Variants in TEN1 observed in about 807,000 individuals in gnomAD.
The protein encoded by TEN1 is TEN1 subunit of CST complex, also known as CST complex subunit TEN1.
In TEN1, 6 loss-of-function variants were observed where a neutral mutation model predicts 9.3. The ratio of observed to expected loss-of-function variants is 0.65; its 90% confidence interval spans 0.35 to 1.27. TEN1 has a LOEUF of 1.27. Among genes scored for constraint, TEN1 ranks in the 50% most tolerant of loss-of-function variants. The probability of loss-of-function intolerance (pLI) is 0.03; values close to 1 mark genes in which losing one functional copy is unlikely to be tolerated. For synonymous variants in TEN1, 65 were observed against 65.6 expected, an observed-to-expected ratio of 0.99 and a Z score of 0.04; for missense variants, 149 against 158.2, an observed-to-expected ratio of 0.94 and a Z score of 0.31.
rs118104688 is a variant in TEN1, at chr17:75,991,412, G to A, written c.93-54G>A. ...TCTTGGCCATGCAAACCTTTTGAGC[G>A]TGGTGGTGATTCTACGTATGGATGG... On this transcript the variant is annotated intron_variant, in intron 2 of 3. Transcript: ENST00000397640. 9.9e-3 allele frequency: 15,209 copies of A among 1,531,528 alleles called. 97 individuals carry two copies. Among genetic ancestry groups the A allele is most frequent in the Non-Finnish European group, 0.012 (13,917 of 1,132,220 alleles). 94.9% of individuals were successfully genotyped at this position (1,531,528 alleles called of 1,614,324 possible). A position where few individuals can be genotyped will look rare whatever the true frequency, so the allele number is the denominator to read the frequency against.
chr17:75,993,325 G>C (rs1226035709), intron 3 of TEN1, among the ~76,000 whole-genome samples: 3 of 151,804 alleles, frequency 2.0e-5, no homozygotes, highest in Non-Finnish European at 4.4e-5. Context: ...GGATGGTCTC[G>C]ATCTCTTGAC....
intron 1 of TEN1, among the ~76,000 whole-genome samples, chr17:75,980,451 G>A (rs557906361): frequency 2.0e-5 from 3 of 150,356 alleles, no homozygotes; most frequent in South Asian, 4.2e-4. Flanking sequence ...TTCTTGAGAC[G>A]GAGTCTCGCT....
chr17:75,979,665 C>T (rs1318936341), intron 1 of TEN1, among the ~76,000 whole-genome samples, 154 bp downstream of exon 1: 1 of 152,066 alleles, frequency 6.6e-6, no homozygotes, highest in Non-Finnish European at 1.5e-5. Context: ...ACTCTGGAGT[C>T]TGGGGCGGGA....
chr17:75,982,711 A>G (rs1314971535), intron 1 of TEN1, among the ~76,000 whole-genome samples: 1 of 151,570 alleles, frequency 6.6e-6, no homozygotes, highest in Non-Finnish European at 1.5e-5. Context: ...TTATTTATTT[A>G]TTTATTTATT....
intron 1 of TEN1, among the ~76,000 whole-genome samples, chr17:75,983,572 G>A (rs1048130953): frequency 1.1e-4 from 16 of 152,264 alleles, no homozygotes; most frequent in African/African-American, 3.9e-4. Flanking sequence ...CAGCACAAAC[G>A]AAATCATTTC....
chr17:75,992,802 G>GTTT (rs557899982), intron 3 of TEN1, among the ~76,000 whole-genome samples: 9 of 122,100 alleles, frequency 7.4e-5, no homozygotes, highest in Admixed American at 2.6e-4. Context: ...GTGAGCCACC[G>GTTT]TTTTTTTTTT....
At chr17:75,982,568 A>G (rs144900174) in intron 1 of TEN1, among the ~76,000 whole-genome samples, 164 of 152,282 alleles carry the variant, frequency 1.1e-3, no homozygotes, top group Non-Finnish European at 1.9e-3. Context: ...ATACACATGT[A>G]TTTGATCATA....
chr17:75,994,625 C>T (rs2066208146), intron 3 of TEN1, among the ~76,000 whole-genome samples: 1 of 151,574 alleles, frequency 6.6e-6, no homozygotes, highest in Non-Finnish European at 1.5e-5. Flanking sequence ...TTACAGGCGC[C>T]TGCCACTGTG....
chr17:75,988,735 G>A (rs2066167568), intron 2 of TEN1, among the ~76,000 whole-genome samples: 1 of 151,750 alleles, frequency 6.6e-6, no homozygotes, highest in Admixed American at 6.6e-5. Flanking sequence ...GTTCCATTTT[G>A]TTTCACTGTG....
chr17:76,000,584 G>C lies in TEN1; in HGVS notation c.*322G>C. 1 of 244,202 alleles carries C rather than the reference G, an allele frequency of 4.1e-6. No individual in the cohort carries two copies. The highest frequency in any genetic ancestry group is 9.9e-5 in the East Asian group (1 of 10,078). The allele number at this position is 244,202 out of a possible 1,614,324, so 15.1% of individuals were successfully genotyped here. A position where few individuals can be genotyped will look rare whatever the true frequency, so the allele number is the denominator to read the frequency against. ...ATAAAGGCCCAGGGGGCGTGCTCTT[G>C]AAGTGTGCTCGTGGTGCAGCGCCGG... On this transcript the variant is annotated 3_prime_UTR_variant, in exon 4 of 4. Coordinates refer to ENST00000397640, the MANE Select transcript of TEN1 (RefSeq NM_001113324.3). This position sits in a 1 kb window ranked among gnomAD's most constrained non-coding sequence, Gnocchi z 5.9.
chr17:75,988,898 G>A (rs1042457668), intron 2 of TEN1, among the ~76,000 whole-genome samples: 2 of 151,816 alleles, frequency 1.3e-5, no homozygotes, highest in Non-Finnish European at 2.9e-5. Context: ...AGCCTCCCGA[G>A]TAGCTGGTAT....
Position 75,979,346 on chromosome 17 carries a change from C to T in TEN1, c.-172C>T. Reference sequence around the variant, plus strand: ...ATCCCCTGCTCCTGGCCAGGGGAGGCTCCCGAGCGGATCCTCGGGAAAGGG... The same window carrying T: ...ATCCCCTGCTCCTGGCCAGGGGAGGTTCCCGAGCGGATCCTCGGGAAAGGG... On this transcript the variant is annotated 5_prime_UTR_variant, in exon 1 of 4. Transcript: ENST00000397640. The T allele has an allele frequency of 1.8e-6, 1 of 566,304 alleles. No individual in the cohort carries two copies. The highest frequency in any genetic ancestry group is 2.0e-5 in the South Asian group (1 of 50,236). The allele number at this position is 566,304 out of a possible 1,614,324, so 35.1% of individuals were successfully genotyped here.
chr17:75,991,517 C>G lies in TEN1; in HGVS notation c.144C>G (p.His48Gln). ...IQSRVTLMAQ[H>Q]GSDQHQVLVC... is the part of the protein sequence containing the mutation. ...CCAGAGTAACACTGATGGCTCAGCA[C>G]GGATCCGATCAGCACCAGGTTCTTG... The change falls in exon 3 of 4, where the codon CAC (histidine) becomes CAG (glutamine). Residue 48 changes from histidine to glutamine, a missense_variant. His to Gln is a conservative substitution (Grantham distance 24, BLOSUM62 0). Transcript: ENST00000397640. 6.4e-7 allele frequency: 1 copy of G among 1,552,304 alleles called. No individual in the cohort carries two copies. The highest frequency in any genetic ancestry group is 1.2e-5 in the South Asian group (1 of 84,066).
intron 3 of TEN1, among the ~76,000 whole-genome samples, chr17:75,997,576 G>A (rs1307911149): frequency 7.2e-5 from 11 of 152,102 alleles, no homozygotes; most frequent in Admixed American, 3.3e-4. Flanking sequence ...AAGAGGAAGC[G>A]GGGTCCCTCC....
Position 75,992,112 on chromosome 17 carries a change from C to T in TEN1, c.250+489C>T, listed in dbSNP as rs142615869. Among the ~76,000 whole-genome samples the T allele has an allele frequency of 9.8e-3, 1,467 of 150,340 alleles. 28 individuals are homozygous for T. Among genetic ancestry groups the T allele is most frequent in the African/African-American group, 0.034 (1,373 of 40,792 alleles). The stretch of plus-strand genomic sequence containing the variant: ...ACAATCCCCCATGGGGAAGTGAGAA[C>T]GAGGAGAGAGAAACCACTAATTTCT... On this transcript the variant is annotated intron_variant, in intron 3 of 3. Transcript: ENST00000397640.
At chr17:75,992,130 T>C (rs1373725235) in intron 3 of TEN1, among the ~76,000 whole-genome samples, 1 of 151,098 alleles carries the variant, frequency 6.6e-6, no homozygotes, top group African/African-American at 2.4e-5. Context: ...GAGAAACCAC[T>C]AATTTCTCAA....
intron 3 of TEN1, among the ~76,000 whole-genome samples, chr17:75,997,593 AG>A (rs1881350658): frequency 6.6e-6 from 1 of 152,052 alleles, no homozygotes; most frequent in Admixed American, 6.6e-5. Flanking sequence ...CTCCTACCTA[AG>A]GGGTTACCAC....
rs1299041850 is a variant in TEN1, at chr17:75,982,980, AAG to A, written c.-6-3205_-6-3204del. 4.2e-3 allele frequency among the ~76,000 whole-genome samples: 327 copies of A among 78,200 alleles called. 1 individual carries two copies. The highest frequency in any genetic ancestry group is 0.016 in the South Asian group (23 of 1,416). The allele number at this position is 78,200 out of a possible 152,430, so 51.3% of individuals were successfully genotyped here. ...CCCGCCTTGGCTCAAAAAAAAAAAA[AAG>A]AAAGAAAAAAGGAAGAGGCCCGGTG... On this transcript the variant is annotated intron_variant, in intron 1 of 3. Transcript: ENST00000397640.
chr17:75,996,239 A>T (rs1483757266), intron 3 of TEN1, among the ~76,000 whole-genome samples: 1 of 152,118 alleles, frequency 6.6e-6, no homozygotes, highest in Non-Finnish European at 1.5e-5. Context: ...TAATCCCAGC[A>T]CTTTGGGAGG....
Sources: allele counts gnomAD v4.1 joint callset (sites outside exome capture counted in the v4.1 genomes callset), GRCh38; gene constraint gnomAD v4.1.1; non-coding constraint Gnocchi (gnomAD v3.1); transcripts MANE v1.5; gene names NCBI Gene and HGNC (gene_info 2026-07-23, HGNC 2026-07-21).